ANKRD44: variants seen among roughly 807,000 people sequenced by gnomAD.
ANKRD44 encodes the protein serine/threonine-protein phosphatase 6 regulatory ankyrin repeat subunit B.
Under a neutral mutation model 116.0 loss-of-function variants are expected in ANKRD44, and 35 were observed. The observed-to-expected ratio is 0.30, with a 90% CI of 0.23 to 0.40. The LOEUF (loss-of-function observed/expected upper bound fraction) is 0.40. Ranked by LOEUF, ANKRD44 falls within the 10% of genes least tolerant of loss-of-function variation. The pLI is 1.00. For missense variants in ANKRD44, 1,014 were observed against 1,242.6 expected, an observed-to-expected ratio of 0.82 and a Z score of 2.77; for synonymous variants, 435 against 461.8, an observed-to-expected ratio of 0.94 and a Z score of 0.74.
intron 1 of ANKRD44, among the ~76,000 whole-genome samples, chr2:197,282,142 A>T (rs941176466): frequency 6.6e-6 from 1 of 152,070 alleles, no homozygotes; most frequent in African/African-American, 2.4e-5. Context: ...AGTCCCAGCT[A>T]CTCGGGAGGC....
intron 1 of ANKRD44, among the ~76,000 whole-genome samples, chr2:197,307,707 A>G (rs997200553): frequency 6.6e-6 from 1 of 152,184 alleles, no homozygotes; most frequent in African/African-American, 2.4e-5. Flanking sequence ...TGCTTCACCT[A>G]GCAAGCTCCT....
At chr2:197,010,414 G>A (rs531327037) in intron 18 of ANKRD44, among the ~76,000 whole-genome samples, 39 of 151,972 alleles carry the variant, frequency 2.6e-4, no homozygotes, top group Non-Finnish European at 4.6e-4. Context: ...GCCTCCCCCT[G>A]CCCCTCCTCG....
intron 18 of ANKRD44, among the ~76,000 whole-genome samples, chr2:197,009,803 G>A (rs1158426370): frequency 6.6e-6 from 1 of 152,142 alleles, no homozygotes; most frequent in African/African-American, 2.4e-5. Context: ...CTTCCTAGCA[G>A]GGTGCATTGA....
exon 22 of ANKRD44, chr2:196,967,190 T>C (rs2075678329): frequency 4.4e-6 from 1 of 229,780 alleles, no homozygotes; most frequent in African/African-American, 2.2e-5. Flanking sequence ...CCAACACCCT[T>C]GCCTTCTGTT....
At chr2:197,022,023 T>A (rs1243984416) in intron 17 of ANKRD44, among the ~76,000 whole-genome samples, 2 of 152,204 alleles carry the variant, frequency 1.3e-5, no homozygotes, top group Non-Finnish European at 2.9e-5. Context: ...CCAATAACCC[T>A]GGAGATTTGA....
chr2:197,086,086 A>C (rs1334244827), intron 13 of ANKRD44, among the ~76,000 whole-genome samples: 1 of 152,082 alleles, frequency 6.6e-6, no homozygotes, highest in Non-Finnish European at 1.5e-5. Context: ...GTAAGAAGAG[A>C]AATTTGTGGC....
chr2:197,132,623 T>C (rs1410401901), intron 4 of ANKRD44, among the ~76,000 whole-genome samples: 1 of 152,188 alleles, frequency 6.6e-6, no homozygotes, highest in Non-Finnish European at 1.5e-5. Context: ...AGTGGCTTAG[T>C]TGGCTTTTAG....
At chr2:197,149,174 T>C (rs1325126358) in intron 2 of ANKRD44, among the ~76,000 whole-genome samples, 1 of 152,222 alleles carries the variant, frequency 6.6e-6, no homozygotes, top group East Asian at 1.9e-4. Flanking sequence ...GTGAACTGAA[T>C]TGGTTTCAGG....
In ANKRD44 at chr2:197,070,438, T is replaced by C. The variant is rs114077987; in HGVS notation, c.1650+8265A>G. On this transcript the variant is annotated intron_variant, in intron 16 of 27. Transcript: ENST00000282272. ...GTTTTTTGTTGTTGTTGTTGTTGCT[T>C]GCTTGTTTTATTGTCTTGAAGTGCT... Among the ~76,000 whole-genome samples, 547 of 152,246 alleles carry C rather than the reference T, an allele frequency of 3.6e-3. 5 individuals are homozygous for C. Among genetic ancestry groups the C allele is most frequent in the African/African-American group, 0.013 (529 of 41,554 alleles).
intron 26 of ANKRD44, chr2:196,994,480 C>G (rs796923694): frequency 2.0e-5 from 3 of 152,154 alleles, no homozygotes; most frequent in African/African-American, 7.2e-5. Context: ...GCCACGACAC[C>G]CAGCCAACAG....
In ANKRD44 at chr2:197,007,915, A is replaced by G; in HGVS notation, c.2021T>C (p.Leu674Pro). The G allele has an allele frequency of 6.2e-7, 1 of 1,612,780 alleles. No homozygotes were observed. Among genetic ancestry groups the G allele is most frequent in the Non-Finnish European group, 8.5e-7 (1 of 1,178,862 alleles). ...ATGTCCATATGCTACTGCAAGCATC[A>G]GTGGTGTTCTAGGCAGAGAGATAAA... ...DVKDAKGQTP[L>P]MLAVAYGHID... Residue 674 changes from leucine (L) to proline (P), a missense_variant, in exon 20 of 28, where the codon CTG (leucine) becomes CCG (proline). Physicochemically the swap from Leu to Pro is moderately conservative, Grantham distance 98. Transcript: ENST00000282272.
Position 197,067,426 on chromosome 2 carries a change from C to T in ANKRD44, c.1650+11277G>A, listed in dbSNP as rs181194489. Among the ~76,000 whole-genome samples, 5 of 151,656 alleles carry T rather than the reference C, an allele frequency of 3.3e-5. No homozygotes were observed. In the East Asian group the frequency reaches 9.7e-4, roughly 29 times the overall value. On this transcript the variant is annotated intron_variant, in intron 16 of 27. Transcript: ENST00000282272. ...AGCACCATCAGAGTGAACAGGCAAC[C>T]TACAACATGGGAGAAAATTTTCGCA...
chr2:197,067,876 A>G (rs1443484434), intron 16 of ANKRD44, among the ~76,000 whole-genome samples: 1 of 144,222 alleles, frequency 6.9e-6, no homozygotes, highest in Non-Finnish European at 1.5e-5. Context: ...TACCCAAAGG[A>G]CTATAAATCA....
intron 2 of ANKRD44, among the ~76,000 whole-genome samples, chr2:197,149,038 T>C (rs2125440643): frequency 6.6e-6 from 1 of 152,360 alleles, no homozygotes; most frequent in South Asian, 2.1e-4. Flanking sequence ...ATGTTTTCTA[T>C]TTCTATTGAT....
At chr2:197,255,132 C>A (rs368082564) in intron 1 of ANKRD44, among the ~76,000 whole-genome samples, 41 of 152,226 alleles carry the variant, frequency 2.7e-4, no homozygotes, top group African/African-American at 9.9e-4. Context: ...ATATGTTCCA[C>A]AACTATGGTC....
chr2:197,209,156 C>A (rs2081273098), intron 1 of ANKRD44, among the ~76,000 whole-genome samples: 1 of 152,122 alleles, frequency 6.6e-6, no homozygotes, highest in East Asian at 1.9e-4. Flanking sequence ...TGAGTAGTTT[C>A]TTCGAATAGA....
At chr2:197,258,001 A>G (rs2082496865) in intron 1 of ANKRD44, among the ~76,000 whole-genome samples, 1 of 152,172 alleles carries the variant, frequency 6.6e-6, no homozygotes, top group Admixed American at 6.6e-5. Context: ...TTGTTCTTGC[A>G]TCTGGCTTAT....
chr2:197,160,213 T>C (rs1405321060), intron 2 of ANKRD44, among the ~76,000 whole-genome samples: 1 of 152,212 alleles, frequency 6.6e-6, no homozygotes, highest in Admixed American at 6.5e-5. Flanking sequence ...ATTTTTCTTT[T>C]TCATTCTAAA....
intron 16 of ANKRD44, among the ~76,000 whole-genome samples, chr2:197,046,324 G>A (rs901842786): frequency 3.9e-5 from 6 of 152,070 alleles, no homozygotes; most frequent in Admixed American, 6.6e-5. Flanking sequence ...CTTTTGATTC[G>A]TAATCGGCAA....
Sources: allele counts gnomAD v4.1 joint callset (sites outside exome capture counted in the v4.1 genomes callset), GRCh38; gene constraint gnomAD v4.1.1; transcripts MANE v1.5; gene names NCBI Gene and HGNC (gene_info 2026-07-23, HGNC 2026-07-21).